Variants in WIPI2 observed in about 807,000 individuals in gnomAD.
WIPI2 encodes the protein WD repeat domain phosphoinositide-interacting protein 2.
WIPI2 carries 28 observed loss-of-function variants against 52.3 expected under a neutral mutation model. That is an observed-to-expected ratio of 0.54 (90% CI 0.40 to 0.73). WIPI2 has a LOEUF of 0.73. Ranked by LOEUF, WIPI2 falls within the 30% of genes least tolerant of loss-of-function variation. The probability of loss-of-function intolerance (pLI) is 0.00; values close to 1 mark genes in which losing one functional copy is unlikely to be tolerated. For synonymous variants in WIPI2, 268 were observed against 245.0 expected (o/e 1.09, Z -0.88); for missense variants, 506 against 602.9 (o/e 0.84, Z 1.68).
At chr7:5,215,002 T>C (rs1782742479) in intron 4 of WIPI2, among the ~76,000 whole-genome samples, 1 of 152,212 alleles carries the variant, frequency 6.6e-6, no homozygotes, top group Admixed American at 6.5e-5. Context: ...TTTGCTTTTA[T>C]AAATGTTACT....
In WIPI2 at chr7:5,231,042, G is replaced by A. The variant is rs79306089; in HGVS notation, c.*95G>A. 5,636 of 1,008,580 alleles carry A rather than the reference G, an allele frequency of 5.6e-3. 229 individuals carry two copies. The African/African-American group carries it at 0.084, about 15-fold the overall frequency. The allele number at this position is 1,008,580 out of a possible 1,614,324, so 62.5% of individuals were successfully genotyped here. ...CTATGAACTTTGACCTGAGTCGGGG[G>A]AGAGGATGGCAGAGACTTTATTAAA... On this transcript the variant is annotated 3_prime_UTR_variant, in exon 13 of 13. Transcript: ENST00000288828.
chr7:5,204,353 G>C (rs1562389961), intron 3 of WIPI2, among the ~76,000 whole-genome samples: 2 of 152,142 alleles, frequency 1.3e-5, no homozygotes, highest in Non-Finnish European at 2.9e-5. Context: ...TGTAATCCCA[G>C]CTACTCTGCA....
Position 5,230,502 on chromosome 7 carries a change from C to T in WIPI2, c.1253-333C>T, listed in dbSNP as rs898608509. 6.6e-6 allele frequency among the ~76,000 whole-genome samples: 1 copy of T among 152,238 alleles called. No individual in the cohort carries two copies. The highest frequency in any genetic ancestry group is 1.5e-5 in the Non-Finnish European group (1 of 68,042). On this transcript the variant is annotated intron_variant, in intron 12 of 12. Coordinates refer to ENST00000288828, the MANE Select transcript of WIPI2 (RefSeq NM_015610.4). This position sits in a 1 kb window ranked among gnomAD's most constrained non-coding sequence, Gnocchi z 4.8. ...GGCACTTCCAGTTCATGAGCCCACC[C>T]TGAGAGTCTCCTAGTGTCATTTTTT... is the stretch of plus-strand genomic sequence containing the variant.
chr7:5,215,538 C>A (rs1366746241), intron 4 of WIPI2, among the ~76,000 whole-genome samples: 3 of 152,206 alleles, frequency 2.0e-5, no homozygotes, highest in Admixed American at 2.0e-4. Flanking sequence ...CCCTGGCAAT[C>A]TGATTCTGCC....
intron 3 of WIPI2, 165 bp from the exon 4 acceptor site, chr7:5,214,370 C>T: frequency 6.3e-7 from 1 of 1,595,310 alleles, no homozygotes; most frequent in South Asian, 1.1e-5. Flanking sequence ...TCAAGACCCT[C>T]AGACCCCCGG....
chr7:5,212,495 C>T lies in WIPI2; in HGVS notation c.212-2040C>T, dbSNP rs147413250. ...AGAAGTGAGGGTGGCAGCCTCAGGA[C>T]ACCAGCCATGATCATCATTCAGTCC... On this transcript the variant is annotated intron_variant, in intron 3 of 12. Transcript: ENST00000288828. Among the ~76,000 whole-genome samples the T allele has an allele frequency of 1.1e-3, 168 of 152,292 alleles. 2 individuals carry two copies. The East Asian group carries it at 0.028, about 26-fold the overall frequency.
chr7:5,225,086 G>A (rs961326344), intron 8 of WIPI2, among the ~76,000 whole-genome samples: 7 of 151,516 alleles, frequency 4.6e-5, no homozygotes, highest in African/African-American at 1.7e-4. Context: ...GATGCCGATT[G>A]ATTTTTAAGA....
At chr7:5,193,580 T>C (rs1164185958) in intron 2 of WIPI2, among the ~76,000 whole-genome samples, 5 of 152,212 alleles carry the variant, frequency 3.3e-5, no homozygotes, top group Non-Finnish European at 5.9e-5. Context: ...TTTGGGTTTT[T>C]GTTTTTGAGA....
In WIPI2 at chr7:5,229,659, C is replaced by T. The variant is rs757513976; in HGVS notation, c.1173C>T (p.His391=). The change falls in exon 12 of 13, where the codon CAC becomes CAT. Residue 391 remains histidine, a synonymous_variant. Coordinates refer to ENST00000288828, the MANE Select transcript of WIPI2 (RefSeq NM_015610.4). The part of the protein sequence containing the change: ...TTNEILDSAS[H]DCPLVTQTYG... Reference sequence around the variant, plus strand: ...ATGAGATCTTGGACTCTGCCTCTCACGACTGCCCCTTAGTCACTCAGACAT... The same window carrying T: ...ATGAGATCTTGGACTCTGCCTCTCATGACTGCCCCTTAGTCACTCAGACAT... 3.1e-5 allele frequency: 50 copies of T among 1,613,932 alleles called. No individual in the cohort carries two copies. The East Asian group carries it at 9.4e-4, about 30-fold the overall frequency.
intron 3 of WIPI2, among the ~76,000 whole-genome samples, chr7:5,209,960 T>G (rs1782473635): frequency 1.3e-5 from 2 of 152,104 alleles, no homozygotes. Context: ...CATGCTGGAG[T>G]CTGGTGGTGC....
chr7:5,201,246 T>G (rs769746631), intron 3 of WIPI2, among the ~76,000 whole-genome samples: 27 of 152,236 alleles, frequency 1.8e-4, no homozygotes, highest in Non-Finnish European at 2.9e-4. Context: ...TGCTGTTAAA[T>G]TGTTGCTGGA....
intron 8 of WIPI2, among the ~76,000 whole-genome samples, chr7:5,223,600 C>T (rs1042407247): frequency 1.3e-5 from 2 of 152,168 alleles, no homozygotes; most frequent in Non-Finnish European, 2.9e-5. Context: ...GCCCTGGAGC[C>T]GCTCTTCACC....
Position 5,229,566 on chromosome 7 carries a change from C to T in WIPI2, c.1122-42C>T, listed in dbSNP as rs763708554. 6.9e-6 allele frequency: 11 copies of T among 1,597,894 alleles called. No homozygotes were observed. The South Asian group carries it at 1.2e-4, about 18-fold the overall frequency. ...CAGTGTGTACTGCCCGCAGGGCTGC[C>T]CTGTGTGGAGACGCTGAGCTGTGTC... is the stretch of plus-strand genomic sequence containing the variant. On this transcript the variant is annotated intron_variant, in intron 11 of 12. Coordinates refer to ENST00000288828, the MANE Select transcript of WIPI2 (RefSeq NM_015610.4).
At chr7:5,225,393 G>T (rs766635796) in intron 8 of WIPI2, among the ~76,000 whole-genome samples, 1 of 152,042 alleles carries the variant, frequency 6.6e-6, no homozygotes, top group Non-Finnish European at 1.5e-5. Context: ...CGCCCACCTT[G>T]GCCTCCCAAA....
Position 5,193,127 on chromosome 7 carries a change from A to G in WIPI2, c.84A>G (p.Lys28=). Residue 28 remains lysine, a synonymous_variant, in exon 2 of 13, where the codon AAA becomes AAG. Transcript: ENST00000288828. ...ANFNQDNTEV[K]GASRAAGLGR... ...TTGTTTTTTTACCTAGAGAAGTGAA[A>G]GGGGCATCAAGAGCAGCTGGTCTTG... The G allele has an allele frequency of 1.2e-6, 2 of 1,613,928 alleles. No homozygotes were observed. Among genetic ancestry groups the G allele is most frequent in the Non-Finnish European group, 1.7e-6 (2 of 1,179,934 alleles).
intron 4 of WIPI2, 163 bp from the exon 5 acceptor site, chr7:5,216,400 C>G (rs1782814262): frequency 3.5e-6 from 2 of 565,878 alleles, no homozygotes; most frequent in Admixed American, 5.5e-5. Context: ...CCACTGCACT[C>G]CAGCCCGGGT....
rs1370017755 is a variant in WIPI2, at chr7:5,227,228, C to T, written c.897C>T (p.Leu299=). 1.9e-6 allele frequency: 3 copies of T among 1,614,078 alleles called. No homozygotes were observed. The highest frequency in any genetic ancestry group is 4.5e-5 in the East Asian group (2 of 44,878). Residue 299 remains leucine, a synonymous_variant, in exon 10 of 13, where the codon CTC becomes CTT. Coordinates refer to ENST00000288828, the MANE Select transcript of WIPI2 (RefSeq NM_015610.4). The surrounding 1 kb of genome is among the most constrained non-coding windows in gnomAD (Gnocchi z 8.1). ...GGACCGGGTACTTCGGGAAAGTGCTCATGGCCTCCACCAGCTACCTGCCTT... is the reference window on the plus strand; with the variant it reads ...GGACCGGGTACTTCGGGAAAGTGCTTATGGCCTCCACCAGCTACCTGCCTT... ...TTWTGYFGKV[L]MASTSYLPSQ... is the part of the protein sequence containing the mutation.
chr7:5,202,342 AGGAACTGCC>A (rs1342400155), intron 3 of WIPI2, among the ~76,000 whole-genome samples: 1 of 152,216 alleles, frequency 6.6e-6, no homozygotes, highest in African/African-American at 2.4e-5. Context: ...TGAAAGTTGC[AGGAACTGCC>A]AGATAGGCTT....
chr7:5,212,089 A>T (rs1037725226), intron 3 of WIPI2, among the ~76,000 whole-genome samples: 4 of 152,156 alleles, frequency 2.6e-5, no homozygotes, highest in Admixed American at 6.5e-5. Flanking sequence ...AAACAACACC[A>T]TTTGGGGAGT....
Sources: allele counts gnomAD v4.1 joint callset (sites outside exome capture counted in the v4.1 genomes callset), GRCh38; gene constraint gnomAD v4.1.1; non-coding constraint Gnocchi (gnomAD v3.1); transcripts MANE v1.5; gene names NCBI Gene and HGNC (gene_info 2026-07-23, HGNC 2026-07-21).